The following GNAI1 variants were observed in gnomAD, a reference collection of about 807,000 sequenced individuals.
The protein encoded by GNAI1 is guanine nucleotide-binding protein G(i) subunit alpha-1.
A neutral mutation model predicts 38.9 loss-of-function variants in GNAI1; 11 were observed. That is an observed-to-expected ratio of 0.28 (90% CI 0.18 to 0.47). The LOEUF is 0.47. Ranked by LOEUF, GNAI1 falls within the 20% of genes least tolerant of loss-of-function variation. The probability of loss-of-function intolerance (pLI) is 0.99; values close to 1 mark genes in which losing one functional copy is unlikely to be tolerated. For synonymous variants in GNAI1, 166 were observed against 145.1 expected, an observed-to-expected ratio of 1.14 and a Z score of -1.04; for missense variants, 317 against 436.9, an observed-to-expected ratio of 0.73 and a Z score of 2.45.
intron 5 of GNAI1, among the ~76,000 whole-genome samples, chr7:80,204,302 T>C (rs1788736171): frequency 6.6e-6 from 1 of 152,082 alleles, no homozygotes; most frequent in African/African-American, 2.4e-5. Flanking sequence ...AAGGTAGTCC[T>C]TATGCACTAT....
intron 1 of GNAI1, among the ~76,000 whole-genome samples, chr7:80,179,199 C>T (rs539326688): frequency 4.5e-4 from 68 of 152,204 alleles, no homozygotes; most frequent in African/African-American, 1.6e-3. Context: ...GTTATGATAA[C>T]TAATCAAGAA....
intron 1 of GNAI1, among the ~76,000 whole-genome samples, chr7:80,148,540 AAC>A (rs1787668516): frequency 6.6e-6 from 1 of 151,928 alleles, no homozygotes; most frequent in East Asian, 1.9e-4. Context: ...TTAAAAAAAA[AAC>A]AAAAAACTTA....
At chr7:80,173,914 G>A (rs1392387783) in intron 1 of GNAI1, among the ~76,000 whole-genome samples, 1 of 152,102 alleles carries the variant, frequency 6.6e-6, no homozygotes, top group Non-Finnish European at 1.5e-5. Context: ...TGCCTTGATT[G>A]GGAAATATCA....
intron 1 of GNAI1, among the ~76,000 whole-genome samples, chr7:80,140,520 AGT>A (rs1787508052): frequency 6.6e-6 from 1 of 152,152 alleles, no homozygotes; most frequent in African/African-American, 2.4e-5. Flanking sequence ...AGTGTATTTG[AGT>A]GTGTTTGTTG....
intron 1 of GNAI1, among the ~76,000 whole-genome samples, chr7:80,140,716 A>G (rs1445923737): frequency 1.3e-5 from 2 of 152,244 alleles, no homozygotes; most frequent in Admixed American, 6.5e-5. Flanking sequence ...AAAAGCCGTA[A>G]CGGAAATAGG....
chr7:80,203,560 G>A (rs1788725168), intron 4 of GNAI1, 144 bp from the exon 5 acceptor site: 1 of 569,568 alleles, frequency 1.8e-6, no homozygotes, highest in East Asian at 3.3e-5. Context: ...AGCTTAAACT[G>A]GATTATATCT....
rs2115733663 is a variant in GNAI1, at chr7:80,219,257, A to G, written c.*1764A>G. On this transcript the variant is annotated 3_prime_UTR_variant, in exon 8 of 8. Coordinates refer to ENST00000649796, the MANE Select transcript of GNAI1 (RefSeq NM_002069.6). ...GTGAAGCTGTGTATGAAATTCAACT[A>G]TAATATGAATAAATTTGAATCATGA... 1 of 152,724 alleles carries G rather than the reference A, an allele frequency of 6.5e-6. No individual in the cohort carries two copies. Among genetic ancestry groups the G allele is most frequent in the South Asian group, 2.1e-4 (1 of 4,826 alleles). 9.5% of individuals were successfully genotyped at this position (152,724 alleles called of 1,614,324 possible). A position where few individuals can be genotyped will look rare whatever the true frequency, so the allele number is the denominator to read the frequency against.
chr7:80,175,198 C>T (rs1466247396), intron 1 of GNAI1, among the ~76,000 whole-genome samples: 1 of 151,918 alleles, frequency 6.6e-6, no homozygotes, highest in East Asian at 1.9e-4. Flanking sequence ...TTGTTGTCAG[C>T]AATAAAATTT....
chr7:80,147,959 T>A (rs1787656919), intron 1 of GNAI1, among the ~76,000 whole-genome samples: 1 of 152,222 alleles, frequency 6.6e-6, no homozygotes, highest in Admixed American at 6.5e-5. Flanking sequence ...GGGAAGCTGA[T>A]AAAGTACATA....
intron 1 of GNAI1, among the ~76,000 whole-genome samples, chr7:80,141,379 C>A (rs991037096): frequency 6.6e-5 from 10 of 152,152 alleles, no homozygotes; most frequent in Non-Finnish European, 1.3e-4. Context: ...GACAAAATTC[C>A]TGTCTGTTTG....
rs541365723 is a variant in GNAI1 at position 80,160,733 on chromosome 7, A to G, written c.118+25455A>G. ...TGTAGTCCATTATGTTCTTCAGACC[A>G]TTATAAAAATCTGTTTTATTAAGGA... is the stretch of plus-strand genomic sequence containing the variant. On this transcript the variant is annotated intron_variant, in intron 1 of 7. Transcript: ENST00000649796. Among the ~76,000 whole-genome samples the G allele has an allele frequency of 1.3e-4, 20 of 152,334 alleles. No individual in the cohort carries two copies. The East Asian group carries it at 3.7e-3, about 28-fold the overall frequency.
At chr7:80,144,306 T>C (rs971926819) in intron 1 of GNAI1, among the ~76,000 whole-genome samples, 1 of 152,118 alleles carries the variant, frequency 6.6e-6, no homozygotes, top group Non-Finnish European at 1.5e-5. Flanking sequence ...TGGTGCCATT[T>C]CTCAGAGGAG....
intron 6 of GNAI1, among the ~76,000 whole-genome samples, chr7:80,212,270 T>C (rs1306307433): frequency 6.6e-6 from 1 of 152,210 alleles, no homozygotes; most frequent in Non-Finnish European, 1.5e-5. Context: ...GTCCTTCCAG[T>C]ATTTATATTT....
chr7:80,166,791 C>G (rs1228508658), intron 1 of GNAI1, among the ~76,000 whole-genome samples: 1 of 152,216 alleles, frequency 6.6e-6, no homozygotes, highest in Non-Finnish European at 1.5e-5. Context: ...AATGAATCTT[C>G]TACATGTAAT....
chr7:80,145,207 T>A (rs1330422303), intron 1 of GNAI1, among the ~76,000 whole-genome samples: 1 of 152,214 alleles, frequency 6.6e-6, no homozygotes, highest in East Asian at 1.9e-4. Context: ...TTCAGAATAT[T>A]CAGAAAAATA....
chr7:80,180,284 A>G (rs1171562859), intron 1 of GNAI1, among the ~76,000 whole-genome samples: 1 of 151,766 alleles, frequency 6.6e-6, no homozygotes, highest in African/African-American at 2.4e-5. Flanking sequence ...TTACCCTTAT[A>G]GGTCTTACAT....
At chr7:80,156,044 A>AC (rs1787812403) in intron 1 of GNAI1, among the ~76,000 whole-genome samples, 2 of 145,056 alleles carry the variant, frequency 1.4e-5, no homozygotes, top group South Asian at 2.2e-4. Context: ...CTCTGTCTCA[A>AC]AAAAAAAAAA....
intron 7 of GNAI1, among the ~76,000 whole-genome samples, chr7:80,213,638 C>G (rs985124711): frequency 2.6e-5 from 4 of 152,138 alleles, no homozygotes; most frequent in Non-Finnish European, 5.9e-5. Context: ...TTACTGCCCC[C>G]TGCACCCACC....
In GNAI1 at chr7:80,225,979, C is replaced by G. The variant is rs1474810000; in HGVS notation, c.*8486C>G. Among the ~76,000 whole-genome samples the G allele has an allele frequency of 6.6e-6, 1 of 151,952 alleles. No homozygotes were observed. Among genetic ancestry groups the G allele is most frequent in the Non-Finnish European group, 1.5e-5 (1 of 68,006 alleles). On this transcript the variant is annotated 3_prime_UTR_variant, in exon 8 of 8. Transcript: ENST00000649796. ...CTATATTGGAATATGGGAATAAATT[C>G]ATTTATAATTAGTTGAAATTGTCCA...
Sources: gnomAD v4.1 joint callset for allele counts (sites outside exome capture counted in the v4.1 genomes callset) on GRCh38, gnomAD v4.1.1 for gene constraint, MANE v1.5 for transcripts, NCBI Gene and HGNC (gene_info 2026-07-23, HGNC 2026-07-21) for gene names.